The following CABCOCO1 variants were observed in gnomAD, a reference collection of about 807,000 sequenced individuals.
The protein encoded by CABCOCO1 is ciliary-associated calcium-binding coiled-coil protein 1.
A neutral mutation model predicts 35.7 loss-of-function variants in CABCOCO1; 28 were observed. The ratio of observed to expected loss-of-function variants is 0.78; its 90% CI spans 0.58 to 1.07. The LOEUF is 1.07. CABCOCO1 is among the 50% of genes least tolerant of loss of function. The probability of loss-of-function intolerance (pLI) is 0.00; values close to 1 mark genes in which losing one functional copy is unlikely to be tolerated. For synonymous variants in CABCOCO1, 95 were observed against 100.1 expected (o/e 0.95, Z 0.30); for missense variants, 326 against 309.2 (o/e 1.05, Z -0.41).
chr10:61,764,595 A>T (rs1040710680), intron 7 of CABCOCO1, among the ~76,000 whole-genome samples: 1 of 151,914 alleles, frequency 6.6e-6, no homozygotes, highest in Non-Finnish European at 1.5e-5. Flanking sequence ...GCTTCTTTCG[A>T]CCCTACCTAA....
chr10:61,691,649 C>T (rs906075294), intron 5 of CABCOCO1, among the ~76,000 whole-genome samples: 1 of 152,020 alleles, frequency 6.6e-6, no homozygotes, highest in Non-Finnish European at 1.5e-5. Context: ...CCCTTGCCCC[C>T]CACTCCCCAA....
intron 5 of CABCOCO1, among the ~76,000 whole-genome samples, chr10:61,700,932 TATACATATAC>T (rs1289972700): frequency 4.7e-5 from 3 of 63,538 alleles, no homozygotes; most frequent in African/African-American, 2.1e-4. Context: ...TATGTATATG[TATACATATAC>T]ATACATGTAT....
intron 7 of CABCOCO1, 27 bp from the exon 8 acceptor site, chr10:61,765,912 C>T (rs1842097951): frequency 6.3e-7 from 1 of 1,595,722 alleles, no homozygotes; most frequent in Non-Finnish European, 8.6e-7. Context: ...TCCATCATAA[C>T]CACGTTTTTT....
rs1841677444 is a variant in CABCOCO1, at chr10:61,747,005, CAG to C, written c.553-13052_553-13051del. ...TAGTTCTGTAGGTGATTAAATCTGA[CAG>C]ATGCTAGTAAGATGGTGAAGTTCAG... On this transcript the variant is annotated intron_variant, in intron 5 of 7. Coordinates refer to ENST00000648843, the MANE Select transcript of CABCOCO1 (RefSeq NM_001366906.2). 3.3e-5 allele frequency among the ~76,000 whole-genome samples: 5 copies of C among 152,032 alleles called. No individual in the cohort carries two copies. The South Asian group carries it at 1.0e-3, about 32-fold the overall frequency.
At chr10:61,720,961 G>A (rs1840998917) in intron 5 of CABCOCO1, among the ~76,000 whole-genome samples, 1 of 92,988 alleles carries the variant, frequency 1.1e-5, no homozygotes, top group Non-Finnish European at 2.2e-5. Flanking sequence ...GTCTCACTCC[G>A]TCGCCCAGGC....
chr10:61,757,538 A>T (rs1841922758), intron 5 of CABCOCO1, among the ~76,000 whole-genome samples: 1 of 152,066 alleles, frequency 6.6e-6, no homozygotes, highest in Non-Finnish European at 1.5e-5. Context: ...AATCAAATTA[A>T]TAGTTATATG....
At chr10:61,701,472 G>A (rs1325085881) in intron 5 of CABCOCO1, among the ~76,000 whole-genome samples, 1 of 152,246 alleles carries the variant, frequency 6.6e-6, no homozygotes, top group Admixed American at 6.5e-5. Context: ...CATAAAAAAT[G>A]TCCAGGGTGA....
chr10:61,677,680 T>A (rs1178028564), intron 2 of CABCOCO1, among the ~76,000 whole-genome samples: 1 of 152,116 alleles, frequency 6.6e-6, no homozygotes, highest in East Asian at 1.9e-4. Context: ...TACCTCCTAA[T>A]GCTATCCCTC....
chr10:61,698,513 T>C (rs1840353922), intron 5 of CABCOCO1, among the ~76,000 whole-genome samples: 1 of 152,166 alleles, frequency 6.6e-6, no homozygotes. Flanking sequence ...GTGCTTACCT[T>C]GACTAGAGTC....
intron 5 of CABCOCO1, among the ~76,000 whole-genome samples, chr10:61,732,632 C>T (rs1186197669): frequency 2.0e-5 from 3 of 151,962 alleles, no homozygotes; most frequent in Non-Finnish European, 2.9e-5. Context: ...TTATTAGAAC[C>T]ATATAATCTG....
At chr10:61,737,841 G>A (rs1284706901) in intron 5 of CABCOCO1, among the ~76,000 whole-genome samples, 1 of 151,982 alleles carries the variant, frequency 6.6e-6, no homozygotes, top group East Asian at 1.9e-4. Context: ...GAGCAGAAAA[G>A]ATAACTATTG....
intron 5 of CABCOCO1, among the ~76,000 whole-genome samples, chr10:61,748,896 G>T (rs969485637): frequency 6.6e-6 from 1 of 152,126 alleles, no homozygotes; most frequent in Non-Finnish European, 1.5e-5. Flanking sequence ...TTTATGAAAT[G>T]GATGGGTCTG....
At chr10:61,671,620 C>T (rs1204749519) in intron 1 of CABCOCO1, among the ~76,000 whole-genome samples, 2 of 152,170 alleles carry the variant, frequency 1.3e-5, no homozygotes, top group African/African-American at 4.8e-5. Context: ...TTTAGGCCCC[C>T]ATAACATGAC....
At chr10:61,709,796 T>A (rs1392915354) in intron 5 of CABCOCO1, among the ~76,000 whole-genome samples, 3 of 152,050 alleles carry the variant, frequency 2.0e-5, no homozygotes, top group Admixed American at 6.6e-5. Context: ...GAAATGTAAC[T>A]AATTTAAACT....
At chr10:61,678,988 T>C (rs12783811) in intron 2 of CABCOCO1, among the ~76,000 whole-genome samples, 2,367 of 152,244 alleles carry the variant, frequency 0.016, 39 homozygotes, top group East Asian at 0.046. Context: ...CCCAAACTTG[T>C]TCAATCTTGC....
chr10:61,757,700 G>GACACACACACACACACAC (rs67841126), intron 5 of CABCOCO1, among the ~76,000 whole-genome samples: 1 of 147,868 alleles, frequency 6.8e-6, no homozygotes, highest in Admixed American at 6.8e-5. Context: ...CACACACACA[G>GACACACACACACACACAC]ACACACACAC....
intron 5 of CABCOCO1, among the ~76,000 whole-genome samples, chr10:61,701,277 T>A (rs978952658): frequency 1.3e-5 from 2 of 152,202 alleles, no homozygotes; most frequent in African/African-American, 4.8e-5. Flanking sequence ...TCTTTTTTCC[T>A]TGCTTATTTA....
At chr10:61,730,902 G>C (rs1841288070) in intron 5 of CABCOCO1, among the ~76,000 whole-genome samples, 1 of 151,740 alleles carries the variant, frequency 6.6e-6, no homozygotes, top group South Asian at 2.1e-4. Flanking sequence ...ACTGTTGTAG[G>C]CTCTTTAAAA....
rs115724980 is a variant in CABCOCO1 at position 61,699,042 on chromosome 10, A to G, written c.552+8421A>G. On this transcript the variant is annotated intron_variant, in intron 5 of 7. Transcript: ENST00000648843. ...AAAAAGGCTTTTTTCTTGTTGGATGATCCTATTAGCAAACTGCTGGAAGAG... is the reference window on the plus strand; with the variant it reads ...AAAAAGGCTTTTTTCTTGTTGGATGGTCCTATTAGCAAACTGCTGGAAGAG... Among the ~76,000 whole-genome samples the G allele has an allele frequency of 4.6e-3, 696 of 152,248 alleles. 7 individuals carry two copies. Among genetic ancestry groups the G allele is most frequent in the African/African-American group, 0.015 (642 of 41,560 alleles).
Sources: allele counts gnomAD v4.1 joint callset (sites outside exome capture counted in the v4.1 genomes callset), GRCh38; gene constraint gnomAD v4.1.1; transcripts MANE v1.5; gene names NCBI Gene and HGNC (gene_info 2026-07-23, HGNC 2026-07-21).